EMCN: variants seen among roughly 807,000 people sequenced by gnomAD.
The protein encoded by EMCN is endomucin, also known as MUC-14.
Under a neutral mutation model 38.4 loss-of-function variants are expected in EMCN, and 37 were observed. That is an observed-to-expected ratio of 0.96 (90% CI 0.74 to 1.27). EMCN has a LOEUF of 1.27. Among genes scored for constraint, EMCN ranks in the 50% most tolerant of loss-of-function variants. The probability of loss-of-function intolerance (pLI) is 0.00; values close to 1 mark genes in which losing one functional copy is unlikely to be tolerated. For missense variants in EMCN, 318 were observed against 302.8 expected (o/e 1.05, Z -0.37); for synonymous variants, 95 against 100.8 (o/e 0.94, Z 0.35).
chr4:100,475,665 T>G (rs1560631515), intron 2 of EMCN, among the ~76,000 whole-genome samples: 73 of 7,248 alleles, frequency 0.01, 5 homozygotes, highest in Non-Finnish European at 0.021. Context: ...AGTCCTTTTT[T>G]TTTTTTTTTT....
At chr4:100,455,953 CCTGT>C (rs1324538840) in intron 4 of EMCN, among the ~76,000 whole-genome samples, 1 of 152,058 alleles carries the variant, frequency 6.6e-6, no homozygotes, top group East Asian at 1.9e-4. Flanking sequence ...TGCCACTATG[CCTGT>C]CTAATTTTTG....
chr4:100,449,755 G>T (rs1004539166), intron 4 of EMCN, among the ~76,000 whole-genome samples: 1 of 151,874 alleles, frequency 6.6e-6, no homozygotes, highest in Non-Finnish European at 1.5e-5. Context: ...ATACATTAAG[G>T]TATAGCTGAG....
At chr4:100,440,520 T>C (rs1203783194) in intron 5 of EMCN, among the ~76,000 whole-genome samples, 1 of 152,132 alleles carries the variant, frequency 6.6e-6, no homozygotes, top group Non-Finnish European at 1.5e-5. Flanking sequence ...GTTACTTCAC[T>C]TAAAATAATG....
chr4:100,470,657 G>C (rs918937993), intron 3 of EMCN, among the ~76,000 whole-genome samples: 1 of 151,892 alleles, frequency 6.6e-6, no homozygotes, highest in Admixed American at 6.6e-5. Context: ...TGACAAATTG[G>C]ATAAACAATA....
intron 3 of EMCN, among the ~76,000 whole-genome samples, chr4:100,474,686 G>A (rs1051933278): frequency 6.6e-6 from 1 of 152,182 alleles, no homozygotes; most frequent in Non-Finnish European, 1.5e-5. Context: ...ATGAACTACA[G>A]ATACATGTTA....
intron 1 of EMCN, chr4:100,487,101 G>A (rs1728962131): frequency 1.6e-5 from 13 of 796,588 alleles, no homozygotes; most frequent in Non-Finnish European, 1.8e-5. Flanking sequence ...GAATATCTTG[G>A]CAATGCTCCT....
At chr4:100,408,392 G>A (rs148544995) in intron 11 of EMCN, among the ~76,000 whole-genome samples, 25 of 152,240 alleles carry the variant, frequency 1.6e-4, no homozygotes, top group African/African-American at 3.9e-4. Context: ...ATAGTCAGTC[G>A]GTTTCATTTC....
intron 1 of EMCN, among the ~76,000 whole-genome samples, chr4:100,504,032 C>G (rs1729415292): frequency 6.6e-6 from 1 of 152,104 alleles, no homozygotes; most frequent in Non-Finnish European, 1.5e-5. Context: ...TTGATAAACC[C>G]TGTAAACCCT....
intron 11 of EMCN, among the ~76,000 whole-genome samples, chr4:100,407,289 C>T (rs919223237): frequency 6.6e-6 from 1 of 152,046 alleles, no homozygotes; most frequent in Non-Finnish European, 1.5e-5. Flanking sequence ...GTTACGTAGA[C>T]ATGATTGTGT....
At chr4:100,501,131 A>G (rs1457640251) in intron 1 of EMCN, among the ~76,000 whole-genome samples, 1 of 152,038 alleles carries the variant, frequency 6.6e-6, no homozygotes, top group Non-Finnish European at 1.5e-5. Context: ...TTTTCCTGAA[A>G]TAAGGTTATA....
chr4:100,473,377 T>TTG (rs1560630258), intron 3 of EMCN, among the ~76,000 whole-genome samples: 1 of 122,476 alleles, frequency 8.2e-6, no homozygotes, highest in African/African-American at 3.6e-5. Context: ...TTTTTTGTTT[T>TTG]TTTTTTTTGT....
chr4:100,516,334 A>G (rs1335134372), intron 1 of EMCN, among the ~76,000 whole-genome samples: 1 of 152,088 alleles, frequency 6.6e-6, no homozygotes, highest in South Asian at 2.1e-4. Context: ...CGAATGATCT[A>G]TTCAGAGTTT....
chr4:100,417,378 G>A (rs115217980), intron 8 of EMCN, among the ~76,000 whole-genome samples: 3,906 of 152,116 alleles, frequency 0.026, 69 homozygotes, highest in Non-Finnish European at 0.041. Context: ...ACTTAGTTCT[G>A]GACTAATCTT....
At chr4:100,461,047 C>T (rs1260798943) in intron 4 of EMCN, among the ~76,000 whole-genome samples, 1 of 152,170 alleles carries the variant, frequency 6.6e-6, no homozygotes, top group Non-Finnish European at 1.5e-5. Flanking sequence ...CCTGTCTGGA[C>T]TGACCCCTTC....
At chr4:100,399,677 T>C (rs895601553) in intron 11 of EMCN, among the ~76,000 whole-genome samples, 2 of 152,154 alleles carry the variant, frequency 1.3e-5, no homozygotes, top group African/African-American at 4.8e-5. Context: ...TCTCCTTCAA[T>C]TACTGAACTA....
chr4:100,421,933 G>A (rs1264317838), intron 7 of EMCN, among the ~76,000 whole-genome samples: 1 of 151,984 alleles, frequency 6.6e-6, no homozygotes, highest in African/African-American at 2.4e-5. Flanking sequence ...GTGTCTGTTT[G>A]GGGGAGTGAT....
At position 100,423,009 on chromosome 4, in the gene EMCN, G is replaced by A; in HGVS notation, c.568+12C>T. Reference sequence around the variant, plus strand: ...ATCTACTGCCATGAATGAAGGCATTGCTGTTACTCACTGGAATAAGACCGG... The same window carrying A: ...ATCTACTGCCATGAATGAAGGCATTACTGTTACTCACTGGAATAAGACCGG... On this transcript the variant is annotated intron_variant, in intron 7 of 11. Coordinates refer to ENST00000296420, the MANE Select transcript of EMCN (RefSeq NM_016242.4). 4 of 1,611,958 alleles carry A rather than the reference G, an allele frequency of 2.5e-6. No homozygotes were observed. Among genetic ancestry groups the A allele is most frequent in the Non-Finnish European group, 3.4e-6 (4 of 1,178,542 alleles).
At chr4:100,417,035 CA>C (rs141333878) in intron 9 of EMCN, 81 bp downstream of exon 9, 68,361 of 1,395,030 alleles carry the variant, frequency 0.049, 3,981 homozygotes, top group African/African-American at 0.28. Flanking sequence ...AGAAATAATC[CA>C]AAAAAGTATA....
At chr4:100,448,995 A>G (rs1727764579) in intron 4 of EMCN, among the ~76,000 whole-genome samples, 1 of 151,874 alleles carries the variant, frequency 6.6e-6, no homozygotes, top group Non-Finnish European at 1.5e-5. Context: ...CAGTACTTTT[A>G]TTACTACCAT....
Sources: gnomAD v4.1 joint callset for allele counts (sites outside exome capture counted in the v4.1 genomes callset) on GRCh38, gnomAD v4.1.1 for gene constraint, MANE v1.5 for transcripts, NCBI Gene and HGNC (gene_info 2026-07-23, HGNC 2026-07-21) for gene names.